GPC5: variants seen among roughly 807,000 people sequenced by gnomAD.
GPC5 encodes the protein glypican 5, also known as glypican-5.
A neutral mutation model predicts 53.9 loss-of-function variants in GPC5; 47 were observed. The observed-to-expected ratio is 0.87, with a 90% CI of 0.69 to 1.11. The LOEUF is 1.11. Among genes scored for constraint, GPC5 ranks in the 50% most tolerant of loss-of-function variants. The pLI, the probability that GPC5 is intolerant of heterozygous loss-of-function variation, is 0.00. For synonymous variants in GPC5, 286 were observed against 263.3 expected, an observed-to-expected ratio of 1.09 and a Z score of -0.84; for missense variants, 748 against 713.1, an observed-to-expected ratio of 1.05 and a Z score of -0.56.
chr13:92,323,888 A>G (rs1321879493), intron 7 of GPC5, among the ~76,000 whole-genome samples: 1 of 151,978 alleles, frequency 6.6e-6, no homozygotes, highest in Non-Finnish European at 1.5e-5. Flanking sequence ...TTCAAGCTAT[A>G]TGACAATGAC....
intron 5 of GPC5, among the ~76,000 whole-genome samples, chr13:91,884,304 G>A (rs927701266): frequency 2.0e-5 from 3 of 152,122 alleles, no homozygotes; most frequent in Non-Finnish European, 4.4e-5. Context: ...GCATGCCTAT[G>A]TTTATTGCAG....
At chr13:91,916,020 G>C (rs1334412486) in intron 6 of GPC5, among the ~76,000 whole-genome samples, 1 of 152,202 alleles carries the variant, frequency 6.6e-6, no homozygotes, top group African/African-American at 2.4e-5. Context: ...TAAGGAACAT[G>C]ACTTCTGAGT....
chr13:91,623,879 A>G (rs2033931642), intron 2 of GPC5, among the ~76,000 whole-genome samples: 1 of 152,102 alleles, frequency 6.6e-6, no homozygotes, highest in Admixed American at 6.6e-5. Context: ...ATCTTATGGT[A>G]ATGGGATTTA....
chr13:92,838,474 C>A (rs1412618196), intron 7 of GPC5, among the ~76,000 whole-genome samples: 19 of 147,110 alleles, frequency 1.3e-4, no homozygotes, highest in Non-Finnish European at 2.2e-4. Context: ...CAGAGTGAGA[C>A]TCCGCGCCCC....
intron 7 of GPC5, among the ~76,000 whole-genome samples, chr13:92,532,885 T>G (rs1186005900): frequency 6.6e-6 from 1 of 152,144 alleles, no homozygotes; most frequent in Non-Finnish European, 1.5e-5. Flanking sequence ...TTATAAACAG[T>G]CAAAACAATG....
intron 2 of GPC5, among the ~76,000 whole-genome samples, chr13:91,653,993 C>A (rs2034784330): frequency 6.6e-6 from 1 of 152,126 alleles, no homozygotes. Context: ...CACATCCCTG[C>A]CCCCCATCTT....
intron 7 of GPC5, among the ~76,000 whole-genome samples, chr13:92,564,789 T>A (rs1882812912): frequency 6.6e-6 from 1 of 152,088 alleles, no homozygotes; most frequent in Admixed American, 6.6e-5. Flanking sequence ...GTTTTTCTGT[T>A]CCTGCATTAA....
chr13:92,159,211 T>C (rs1045935860), intron 7 of GPC5, among the ~76,000 whole-genome samples: 2 of 152,238 alleles, frequency 1.3e-5, no homozygotes, highest in African/African-American at 2.4e-5. Context: ...ATTATACTTT[T>C]ATTTTTTTCT....
chr13:91,800,129 T>TATG (rs2038111003), intron 5 of GPC5, among the ~76,000 whole-genome samples: 1 of 128,164 alleles, frequency 7.8e-6, no homozygotes, highest in Non-Finnish European at 1.6e-5. Flanking sequence ...AGCTCTGATT[T>TATG]ATGATTTTTC....
intron 7 of GPC5, among the ~76,000 whole-genome samples, chr13:92,162,406 A>G (rs964552255): frequency 3.3e-5 from 5 of 152,204 alleles, no homozygotes; most frequent in African/African-American, 9.6e-5. Context: ...AGGGAAAATT[A>G]CAATGCAGTG....
chr13:91,846,639 G>T (rs557986926), intron 5 of GPC5, among the ~76,000 whole-genome samples: 1 of 151,628 alleles, frequency 6.6e-6, no homozygotes, highest in Admixed American at 6.6e-5. Context: ...AAGACAAAAA[G>T]GAAGGAGGAA....
chr13:92,351,479 G>T (rs2139267846), intron 7 of GPC5, among the ~76,000 whole-genome samples: 1 of 151,906 alleles, frequency 6.6e-6, no homozygotes, highest in South Asian at 2.1e-4. Flanking sequence ...GAACATTTCT[G>T]TTCAACATTG....
intron 7 of GPC5, among the ~76,000 whole-genome samples, chr13:92,390,433 CA>C (rs1287161037): frequency 1.3e-5 from 2 of 152,034 alleles, no homozygotes; most frequent in African/African-American, 4.8e-5. Flanking sequence ...CAAAGATAAA[CA>C]ATGAACCAGC....
chr13:91,583,117 A>G (rs1399246814), intron 2 of GPC5, among the ~76,000 whole-genome samples: 1 of 152,212 alleles, frequency 6.6e-6, no homozygotes, highest in Non-Finnish European at 1.5e-5. Flanking sequence ...CATTATACTT[A>G]ATAATAAAAT....
intron 7 of GPC5, among the ~76,000 whole-genome samples, chr13:92,254,214 A>T (rs2042711489): frequency 6.6e-6 from 1 of 152,168 alleles, no homozygotes; most frequent in South Asian, 2.1e-4. Flanking sequence ...CTGGAAGCCA[A>T]AGAGCATGGG....
chr13:92,154,219 A>G (rs1470615591), intron 7 of GPC5, among the ~76,000 whole-genome samples: 1 of 152,146 alleles, frequency 6.6e-6, no homozygotes, highest in Non-Finnish European at 1.5e-5. Context: ...ACTCATTATC[A>G]TATGGAGGGC....
intron 7 of GPC5, among the ~76,000 whole-genome samples, chr13:92,790,914 A>T (rs1029357125): frequency 6.6e-6 from 1 of 152,290 alleles, no homozygotes; most frequent in South Asian, 2.1e-4. Flanking sequence ...GATTTTAAAA[A>T]ACAAAGAAAT....
At chr13:91,959,101 C>CACACAA (rs3221585) in intron 6 of GPC5, among the ~76,000 whole-genome samples, 2 of 142,502 alleles carry the variant, frequency 1.4e-5, no homozygotes, top group African/African-American at 5.4e-5. Flanking sequence ...CACACACACA[C>CACACAA]ATCAATGATG....
At chr13:92,279,313 TTTGA>T (rs1327217451) in intron 7 of GPC5, among the ~76,000 whole-genome samples, 1 of 152,072 alleles carries the variant, frequency 6.6e-6, no homozygotes, top group Non-Finnish European at 1.5e-5. Flanking sequence ...AATTTCTGTG[TTTGA>T]TTGTTCATTG....
Sources: allele counts gnomAD v4.1 joint callset (sites outside exome capture counted in the v4.1 genomes callset), GRCh38; gene constraint gnomAD v4.1.1; transcripts MANE v1.5; gene names NCBI Gene and HGNC (gene_info 2026-07-23, HGNC 2026-07-21).